The following DLGAP3 variants were observed in gnomAD, a reference collection of about 807,000 sequenced individuals.
The protein encoded by DLGAP3 is disks large-associated protein 3.
DLGAP3 carries 17 observed loss-of-function variants against 81.2 expected under a neutral mutation model. That is an observed-to-expected ratio of 0.21 (90% CI 0.14 to 0.31). The LOEUF is 0.31. DLGAP3 is among the 10% of genes least tolerant of loss of function. The pLI, the probability that DLGAP3 is intolerant of heterozygous loss-of-function variation, is 1.00. For synonymous variants in DLGAP3, 577 were observed against 587.4 expected (o/e 0.98, Z 0.26); for missense variants, 1,124 against 1,388.0 (o/e 0.81, Z 3.02).
chr1:34,909,304 G>T (rs1421951218), intron 1 of DLGAP3, among the ~76,000 whole-genome samples: 1 of 152,134 alleles, frequency 6.6e-6, no homozygotes. Flanking sequence ...CCCTATAATT[G>T]CTGCTCTCCA....
At chr1:34,907,699 CGTT>C (rs1285937056) in intron 1 of DLGAP3, among the ~76,000 whole-genome samples, 1 of 152,112 alleles carries the variant, frequency 6.6e-6, no homozygotes, top group African/African-American at 2.4e-5. Flanking sequence ...TGAGCCACTG[CGTT>C]GTTTTTTCTT....
At chr1:34,889,258 T>C (rs1053369609) in intron 5 of DLGAP3, among the ~76,000 whole-genome samples, 35 of 152,140 alleles carry the variant, frequency 2.3e-4, no homozygotes, top group African/African-American at 8.4e-4. Flanking sequence ...GGTGAACAAC[T>C]CCCTGGGGTC....
Position 34,904,289 on chromosome 1 carries a change from A to G in DLGAP3, c.1095T>C (p.Tyr365=), listed in dbSNP as rs1332870814. ...GPETKAKART[Y]HYLQVPQDDW... The stretch of plus-strand genomic sequence containing the variant: ...AAAAAAGCCTCACCTGCAGATAGTG[A>G]TAAGTCCTGGCTTTGGCCTTGGTCT... The change falls in exon 3 of 12, where the codon TAT becomes TAC. Residue 365 remains tyrosine, a synonymous_variant. Coordinates refer to ENST00000373347, the MANE Select transcript of DLGAP3 (RefSeq NM_001080418.3). The surrounding 1 kb of genome is among the most constrained non-coding windows in gnomAD (Gnocchi z 8.1). 4 of 1,605,072 alleles carry G rather than the reference A, an allele frequency of 2.5e-6. No homozygotes were observed. The highest frequency in any genetic ancestry group is 3.4e-6 in the Non-Finnish European group (4 of 1,179,984).
At chr1:34,899,310 C>T (rs902241668) in intron 5 of DLGAP3, among the ~76,000 whole-genome samples, 5 of 152,122 alleles carry the variant, frequency 3.3e-5, no homozygotes, top group South Asian at 4.1e-4. Context: ...CCTCGTGATC[C>T]GACCACCTCG....
At position 34,866,021 on chromosome 1, in the gene DLGAP3, G is replaced by C. The variant is rs1325831047; in HGVS notation, c.*62C>G. On this transcript the variant is annotated 3_prime_UTR_variant, in exon 12 of 12. Coordinates refer to ENST00000373347, the MANE Select transcript of DLGAP3 (RefSeq NM_001080418.3). ...GGCCCGCGTTCACAGTGACCTCGACGCTGGGTGTACAGTACGGGTGGAGAA... is the reference window on the plus strand; with the variant it reads ...GGCCCGCGTTCACAGTGACCTCGACCCTGGGTGTACAGTACGGGTGGAGAA... 7.0e-7 allele frequency: 1 copy of C among 1,425,850 alleles called. No homozygotes were observed. The highest frequency in any genetic ancestry group is 1.2e-5 in the South Asian group (1 of 83,734). 88.3% of individuals were successfully genotyped at this position (1,425,850 alleles called of 1,614,324 possible). A position where few individuals can be genotyped will look rare whatever the true frequency, so the allele number is the denominator to read the frequency against.
rs1330096918 is a variant in DLGAP3, at chr1:34,866,210, C to G, written c.2813G>C (p.Arg938Pro). Reference protein sequence around the residue: ...VKERSLDSVDRQRQEARKRLL... With the variant: ...VKERSLDSVDPQRQEARKRLL... ...CCGCTTGCGCGCTTCCTGCCGCTGC[C>G]GGTCCACGGAGTCCAGGGAGCGCTC... is the stretch of plus-strand genomic sequence containing the variant. Residue 938 changes from arginine to proline, a missense_variant, in exon 12 of 12, where the codon CGG becomes CCG. Arg to Pro is a moderately radical substitution (Grantham distance 103, BLOSUM62 -2). Around this residue, in one of 9 missense-constraint regions of DLGAP3, gnomAD observed 133 missense variants for 171.1 expected, o/e 0.78. Coordinates refer to ENST00000373347, the MANE Select transcript of DLGAP3 (RefSeq NM_001080418.3). The G allele has an allele frequency of 2.5e-6, 4 of 1,593,800 alleles. No homozygotes were observed. Among genetic ancestry groups the G allele is most frequent in the East Asian group, 2.3e-5 (1 of 44,118 alleles).
In DLGAP3 at chr1:34,912,563, C is replaced by T. The variant is rs183452187; in HGVS notation, c.-134-5126G>A. ...AGGTCAGCCCTATCCAATCCCCTCA[C>T]CTGGAGCCTATGAGATCATCCCCAC... On this transcript the variant is annotated intron_variant, in intron 1 of 11. Coordinates refer to ENST00000373347, the MANE Select transcript of DLGAP3 (RefSeq NM_001080418.3). 1.8e-4 allele frequency among the ~76,000 whole-genome samples: 28 copies of T among 152,348 alleles called. No individual in the cohort carries two copies. The East Asian group carries it at 5.0e-3, about 27-fold the overall frequency.
At chr1:34,898,131 T>G (rs1242054425) in intron 5 of DLGAP3, among the ~76,000 whole-genome samples, 1 of 151,948 alleles carries the variant, frequency 6.6e-6, no homozygotes, top group Non-Finnish European at 1.5e-5. Context: ...TACAAGAGAG[T>G]TTGGGCTGGA....
rs575120770 is a variant in DLGAP3, at chr1:34,904,407, G to A, written c.977C>T (p.Ser326Leu). 13 of 1,613,962 alleles carry A rather than the reference G, an allele frequency of 8.1e-6. No individual in the cohort carries two copies. The highest frequency in any genetic ancestry group is 4.5e-5 in the East Asian group (2 of 44,876). Residue 326 changes from serine (S) to leucine (L), a missense_variant, in exon 3 of 12, where the codon TCG (serine) becomes TTG (leucine). Ser to Leu is a moderately radical substitution (Grantham distance 145). Transcript: ENST00000373347. This position sits in a 1 kb window ranked among gnomAD's most constrained non-coding sequence, Gnocchi z 8.1. ...GGTATGCCAGGCACTTCGCTTGACCGACTGTCCATCCAGTGACATGGACAT... is the reference window on the plus strand; with the variant it reads ...GGTATGCCAGGCACTTCGCTTGACCAACTGTCCATCCAGTGACATGGACAT... Reference protein sequence around the residue: ...TGMSMSLDGQSVKRSAWHTMM... With the variant: ...TGMSMSLDGQLVKRSAWHTMM...
intron 5 of DLGAP3, among the ~76,000 whole-genome samples, chr1:34,896,836 T>C (rs375115262): frequency 6.6e-6 from 1 of 151,886 alleles, no homozygotes; most frequent in Non-Finnish European, 1.5e-5. Flanking sequence ...AAAGCACCAG[T>C]CCAAAGGCAA....
chr1:34,891,338 C>T (rs1040897262), intron 5 of DLGAP3, among the ~76,000 whole-genome samples: 1 of 152,194 alleles, frequency 6.6e-6, no homozygotes, highest in African/African-American at 2.4e-5. Flanking sequence ...TAATTTGGGG[C>T]ATTGTCAGTT....
chr1:34,874,758 G>A (rs982055233), intron 8 of DLGAP3, among the ~76,000 whole-genome samples: 4 of 148,114 alleles, frequency 2.7e-5, no homozygotes. Flanking sequence ...AGTATCCAAG[G>A]AAAGCTCTAT....
chr1:34,899,958 G>T lies in DLGAP3; in HGVS notation c.1313+110C>A, dbSNP rs901382651. ...ACATGGAGTGGAGTGAGACACCCCA[G>T]TTGAAACCTAAGCAGGACTACCTGA... On this transcript the variant is annotated intron_variant, in intron 4 of 11. Coordinates refer to ENST00000373347, the MANE Select transcript of DLGAP3 (RefSeq NM_001080418.3). The T allele has an allele frequency of 8.7e-6, 9 of 1,038,038 alleles. No homozygotes were observed. In the African/African-American group the frequency reaches 1.3e-4, roughly 15 times the overall value. 64.3% of individuals were successfully genotyped at this position (1,038,038 alleles called of 1,614,324 possible).
chr1:34,887,991 TGTCC>T (rs1277085268), intron 5 of DLGAP3, among the ~76,000 whole-genome samples: 33 of 152,206 alleles, frequency 2.2e-4, no homozygotes, highest in Non-Finnish European at 3.7e-4. Context: ...CAACAATTCC[TGTCC>T]CTGAGACTAA....
chr1:34,927,570 G>A (rs913807611), intron 1 of DLGAP3, among the ~76,000 whole-genome samples: 2 of 152,118 alleles, frequency 1.3e-5, no homozygotes, highest in East Asian at 3.9e-4. Flanking sequence ...CTGTATGTGA[G>A]GCCGTTCATC....
intron 6 of DLGAP3, 90 bp from the exon 7 acceptor site, chr1:34,885,881 C>A: frequency 8.4e-7 from 1 of 1,192,048 alleles, no homozygotes; most frequent in Non-Finnish European, 1.1e-6. Context: ...CCTCAAGAGG[C>A]CCTACGGGAC....
rs557496191 is a variant in DLGAP3, at chr1:34,866,284, A to G, written c.2739T>C (p.Pro913=). ...GCAGGGGCTTCTTTGGTATCGGCGG[A>G]GGGACCTTCTTCTCCTCCTGCGGGG... ...LLEPKEEKKV[P]PPIPKKPLRG... Residue 913 remains proline (P), a synonymous_variant, in exon 12 of 12, where the codon CCT becomes CCC. Transcript: ENST00000373347. 15 of 1,532,884 alleles carry G rather than the reference A, an allele frequency of 9.8e-6. No homozygotes were observed. In the South Asian group the frequency reaches 1.8e-4, roughly 18 times the overall value. The allele number at this position is 1,532,884 out of a possible 1,614,324, so 95.0% of individuals were successfully genotyped here. A position where few individuals can be genotyped will look rare whatever the true frequency, so the allele number is the denominator to read the frequency against.
chr1:34,927,465 C>G (rs1212823372), intron 1 of DLGAP3, among the ~76,000 whole-genome samples: 2 of 152,184 alleles, frequency 1.3e-5, no homozygotes, highest in African/African-American at 4.8e-5. Flanking sequence ...CAGCTACATA[C>G]AAGCTCACTC....
rs1639209368 is a variant in DLGAP3 at position 34,885,618 on chromosome 1, C to A, written c.1774G>T (p.Ala592Ser). 1 of 1,567,176 alleles carries A rather than the reference C, an allele frequency of 6.4e-7. No homozygotes were observed. The highest frequency in any genetic ancestry group is 8.6e-7 in the Non-Finnish European group (1 of 1,161,922). The change falls in exon 7 of 12, where the codon GCG becomes TCG. Residue 592 changes from alanine to serine, a missense_variant. By Grantham distance (99) the Ala-to-Ser change is moderately conservative. Transcript: ENST00000373347. ...ADGLDGPAMG[A>S]RTLELAPVPP... Reference sequence around the variant, plus strand: ...ACCGGCGCCAACTCCAGTGTGCGCGCACCCATGGCGGGGCCGTCCAGCCCG... The same window carrying A: ...ACCGGCGCCAACTCCAGTGTGCGCGAACCCATGGCGGGGCCGTCCAGCCCG...
Sources: gnomAD v4.1 joint callset for allele counts (sites outside exome capture counted in the v4.1 genomes callset) on GRCh38, gnomAD v4.1.1 for gene constraint, gnomAD v4.1.1 regional missense constraint, Gnocchi (gnomAD v3.1) non-coding constraint, MANE v1.5 for transcripts, NCBI Gene and HGNC (gene_info 2026-07-23, HGNC 2026-07-21) for gene names.